Variants in TRPS1 observed in about 807,000 individuals in gnomAD.
TRPS1 encodes the protein transcriptional repressor GATA binding 1.
A neutral mutation model predicts 101.2 loss-of-function variants in TRPS1; 6 were observed. The ratio of observed to expected loss-of-function variants is 0.06; its 90% CI spans 0.03 to 0.12. TRPS1 has a LOEUF of 0.12. Ranked by LOEUF, TRPS1 falls within the 10% of genes least tolerant of loss-of-function variation. The pLI, the probability that TRPS1 is intolerant of heterozygous loss-of-function variation, is 1.00. For missense variants in TRPS1, 1,363 were observed against 1,567.0 expected (o/e 0.87, Z 2.20); for synonymous variants, 578 against 589.8 (o/e 0.98, Z 0.29).
chr8:115,483,002 C>T (rs1814792318), intron 5 of TRPS1, among the ~76,000 whole-genome samples: 1 of 152,180 alleles, frequency 6.6e-6, no homozygotes, highest in African/African-American at 2.4e-5. Flanking sequence ...CTGCCTTGAA[C>T]TGTAAATGCA....
chr8:115,498,413 CTCTATA>C (rs1363912190), intron 5 of TRPS1, among the ~76,000 whole-genome samples: 56 of 63,462 alleles, frequency 8.8e-4, no homozygotes, highest in South Asian at 1.9e-3. Flanking sequence ...CTCTCTCTCT[CTCTATA>C]TATATATATA....
intron 5 of TRPS1, among the ~76,000 whole-genome samples, chr8:115,443,745 A>G (rs559978749): frequency 1.3e-5 from 2 of 152,336 alleles, no homozygotes; most frequent in South Asian, 4.1e-4. Context: ...ATTGGATAAC[A>G]TTAAGTACTC....
intron 5 of TRPS1, among the ~76,000 whole-genome samples, chr8:115,486,645 G>A (rs1477812149): frequency 6.6e-6 from 1 of 152,186 alleles, no homozygotes; most frequent in African/African-American, 2.4e-5. Flanking sequence ...CTAATATGAA[G>A]AAAGTTTTAA....
intron 5 of TRPS1, among the ~76,000 whole-genome samples, chr8:115,431,139 C>G (rs1350959932): frequency 1.4e-4 from 22 of 151,980 alleles, no homozygotes; most frequent in Admixed American, 5.9e-4. Flanking sequence ...GTATGTGAGA[C>G]TATGGAATGT....
intron 5 of TRPS1, among the ~76,000 whole-genome samples, chr8:115,478,822 TATGTATATATGTATATAA>T (rs1814676090): frequency 2.0e-5 from 3 of 147,064 alleles, no homozygotes; most frequent in South Asian, 2.1e-4. Flanking sequence ...AGTATATATA[TATGTATATATGTATATAA>T]ATGTATATAT....
chr8:115,632,843 A>C (rs1371468993), intron 1 of TRPS1, among the ~76,000 whole-genome samples: 5 of 152,144 alleles, frequency 3.3e-5, no homozygotes, highest in Non-Finnish European at 5.9e-5. Context: ...GAAAGAGACC[A>C]GGAGGAGCAC....
At chr8:115,561,681 C>G (rs932073935) in intron 5 of TRPS1, among the ~76,000 whole-genome samples, 4 of 152,040 alleles carry the variant, frequency 2.6e-5, no homozygotes, top group Non-Finnish European at 1.5e-5. Context: ...TCCATCTATA[C>G]TCAGTGTGCA....
intron 5 of TRPS1, among the ~76,000 whole-genome samples, chr8:115,533,884 T>G (rs1485400215): frequency 6.6e-6 from 1 of 152,112 alleles, no homozygotes; most frequent in Admixed American, 6.6e-5. Flanking sequence ...GAGCAAGCCC[T>G]CTTGTGTCTC....
chr8:115,515,079 CAA>C (rs1815678576), intron 5 of TRPS1: 1 of 584,394 alleles, frequency 1.7e-6, no homozygotes, highest in Non-Finnish European at 3.1e-6. Context: ...GTTGAGGACT[CAA>C]GAGAAATGAA....
chr8:115,420,429 T>C (rs1432865240), intron 5 of TRPS1, among the ~76,000 whole-genome samples: 1 of 152,214 alleles, frequency 6.6e-6, no homozygotes, highest in Non-Finnish European at 1.5e-5. Flanking sequence ...CTAAATAACA[T>C]GTTTGCAAAT....
intron 4 of TRPS1, among the ~76,000 whole-genome samples, chr8:115,602,831 A>G (rs1817939587): frequency 6.6e-6 from 1 of 152,240 alleles, no homozygotes; most frequent in Admixed American, 6.5e-5. Context: ...ACCTAAACGC[A>G]GGGTACCACC....
At chr8:115,658,376 G>A (rs2130623449) in intron 1 of TRPS1, among the ~76,000 whole-genome samples, 1 of 152,170 alleles carries the variant, frequency 6.6e-6, no homozygotes, top group East Asian at 1.9e-4. Flanking sequence ...AGGCAAAGGG[G>A]TCAAAGTTTT....
chr8:115,488,025 C>T (rs1477694668), intron 5 of TRPS1, among the ~76,000 whole-genome samples: 1 of 152,100 alleles, frequency 6.6e-6, no homozygotes, highest in African/African-American at 2.4e-5. Flanking sequence ...ATGCATCAGA[C>T]TTCACTGTTG....
intron 5 of TRPS1, among the ~76,000 whole-genome samples, chr8:115,423,092 G>A (rs1407202231): frequency 6.6e-6 from 1 of 152,134 alleles, no homozygotes; most frequent in Non-Finnish European, 1.5e-5. Context: ...CCACATCTAC[G>A]TGGTTTGAAC....
chr8:115,591,872 A>C (rs1243946186), intron 4 of TRPS1, among the ~76,000 whole-genome samples: 1 of 152,200 alleles, frequency 6.6e-6, no homozygotes, highest in African/African-American at 2.4e-5. Context: ...ACAGGTTCTC[A>C]TGTTCCACTG....
intron 5 of TRPS1, among the ~76,000 whole-genome samples, chr8:115,569,843 T>A (rs2130391789): frequency 6.6e-6 from 1 of 152,170 alleles, no homozygotes; most frequent in South Asian, 2.1e-4. Flanking sequence ...CTATATAAAC[T>A]AATAATATAG....
chr8:115,461,284 G>C (rs201940499), intron 5 of TRPS1, among the ~76,000 whole-genome samples: 8,540 of 44,514 alleles, frequency 0.19, 279 homozygotes, highest in East Asian at 0.41. Context: ...TAGATAGATA[G>C]ATAGATAGAT....
chr8:115,466,172 A>C (rs1814313079), intron 5 of TRPS1, among the ~76,000 whole-genome samples: 1 of 152,172 alleles, frequency 6.6e-6, no homozygotes, highest in African/African-American at 2.4e-5. Flanking sequence ...TGGCTAAAAA[A>C]ACTTCAGCTT....
intron 1 of TRPS1, among the ~76,000 whole-genome samples, chr8:115,629,242 G>A (rs1264131311): frequency 4.0e-5 from 6 of 151,824 alleles, no homozygotes; most frequent in African/African-American, 1.4e-4. Flanking sequence ...TGTTTTGAAG[G>A]ATTTGTTTTT....
Sources: gnomAD v4.1 joint callset for allele counts (sites outside exome capture counted in the v4.1 genomes callset) on GRCh38, gnomAD v4.1.1 for gene constraint, MANE v1.5 for transcripts, NCBI Gene and HGNC (gene_info 2026-07-23, HGNC 2026-07-21) for gene names.